Variants in PEDS1 observed in about 807,000 individuals in gnomAD.
PEDS1 encodes plasmanylethanolamine desaturase 1.
PEDS1 carries 14 observed loss-of-function variants against 35.2 expected under a neutral mutation model. The ratio of observed to expected loss-of-function variants is 0.40; its 90% CI spans 0.26 to 0.62. PEDS1 has a LOEUF of 0.62. Ranked by LOEUF, PEDS1 falls within the 20% of genes least tolerant of loss-of-function variation. PEDS1 has a pLI of 0.44. For synonymous variants in PEDS1, 152 were observed against 152.0 expected, an observed-to-expected ratio of 1.00 and a Z score of 0.00; for missense variants, 260 against 367.8, an observed-to-expected ratio of 0.71 and a Z score of 2.40.
chr20:50,131,876 T>A (rs899421470), intron 2 of PEDS1, among the ~76,000 whole-genome samples: 1 of 152,154 alleles, frequency 6.6e-6, no homozygotes, highest in Non-Finnish European at 1.5e-5. Flanking sequence ...CACATGTTAT[T>A]TAGCCTCTCT....
At position 50,130,959 on chromosome 20, in the gene PEDS1, AG is replaced by A; in HGVS notation, c.242-13del. The A allele has an allele frequency of 6.2e-7, 1 of 1,614,214 alleles. No individual in the cohort carries two copies. The highest frequency in any genetic ancestry group is 1.1e-5 in the South Asian group (1 of 91,074). On this transcript the variant is annotated splice_polypyrimidine_tract_variant and intron_variant, in intron 2 of 5. Coordinates refer to ENST00000371652, the MANE Select transcript of PEDS1 (RefSeq NM_199129.4). ...GAGAGCCCCTGCAACTGTGGACAAG[AG>A]GGTGAGTGAAGGGACATCCCTGCAC...
In PEDS1 at chr20:50,119,927, A is replaced by T. The variant is rs574639540; in HGVS notation, c.*5131T>A. ...ATTCAGCTTTACAAACTGGAATTTG[A>T]ATTTTCTGTGTTAGGAAATATTGTT... On this transcript the variant is annotated 3_prime_UTR_variant, in exon 6 of 6. Coordinates refer to ENST00000371652, the MANE Select transcript of PEDS1 (RefSeq NM_199129.4). 6.6e-6 allele frequency: 1 copy of T among 152,282 alleles called. No homozygotes were observed. Among genetic ancestry groups the T allele is most frequent in the Non-Finnish European group, 1.5e-5 (1 of 68,038 alleles). 9.4% of individuals were successfully genotyped at this position (152,282 alleles called of 1,614,324 possible). A position where few individuals can be genotyped will look rare whatever the true frequency, so the allele number is the denominator to read the frequency against.
chr20:50,129,247 A>G lies in PEDS1; in HGVS notation c.478+299T>C, dbSNP rs2081146730. 6.6e-6 allele frequency among the ~76,000 whole-genome samples: 1 copy of G among 152,124 alleles called. No homozygotes were observed. Among genetic ancestry groups the G allele is most frequent in the Non-Finnish European group, 1.5e-5 (1 of 67,996 alleles). On this transcript the variant is annotated intron_variant, in intron 4 of 5. Coordinates refer to ENST00000371652, the MANE Select transcript of PEDS1 (RefSeq NM_199129.4). The surrounding 1 kb of genome is among the most constrained non-coding windows in gnomAD (Gnocchi z 4.2). Reference sequence around the variant, plus strand: ...TGGGTTGGGTGCAGGGAAGCAAGGAATAGTGGGGACGGTGGTAAACTGGAA... The same window carrying G: ...TGGGTTGGGTGCAGGGAAGCAAGGAGTAGTGGGGACGGTGGTAAACTGGAA...
chr20:50,140,700 G>A (rs933680189), intron 2 of PEDS1, among the ~76,000 whole-genome samples: 5 of 150,460 alleles, frequency 3.3e-5, no homozygotes, highest in African/African-American at 7.3e-5. Flanking sequence ...GCTGCATCAC[G>A]TGTGTCTGTG....
At chr20:50,149,852 G>A (rs966596802) in intron 1 of PEDS1, among the ~76,000 whole-genome samples, 2 of 152,184 alleles carry the variant, frequency 1.3e-5, no homozygotes, top group Admixed American at 6.5e-5. Flanking sequence ...CCCCCACCCG[G>A]CCCAGTCCCG....
intron 2 of PEDS1, among the ~76,000 whole-genome samples, chr20:50,135,658 CAAAAAA>C (rs34069451): frequency 2.6e-5 from 1 of 37,858 alleles, no homozygotes; most frequent in Non-Finnish European, 4.7e-5. Flanking sequence ...AACTCCATCT[CAAAAAA>C]AAAAAAAAAA....
At chr20:50,136,609 A>G (rs1474985876) in intron 2 of PEDS1, among the ~76,000 whole-genome samples, 3 of 151,422 alleles carry the variant, frequency 2.0e-5, no homozygotes, top group Admixed American at 6.6e-5. Context: ...TGTAATCTCA[A>G]CTACTTGGGA....
chr20:50,143,685 T>G (rs1343466687), intron 1 of PEDS1, 64 bp from the exon 2 acceptor site: 4 of 1,566,278 alleles, frequency 2.6e-6, no homozygotes, highest in Non-Finnish European at 3.4e-6. Flanking sequence ...TGTGGCCCCA[T>G]GGGAACTTTT....
At chr20:50,146,493 C>G (rs906724491) in intron 1 of PEDS1, among the ~76,000 whole-genome samples, 2 of 152,188 alleles carry the variant, frequency 1.3e-5, no homozygotes, top group Admixed American at 1.3e-4. Flanking sequence ...ATGGCTTTGT[C>G]TCTGGGTGCC....
intron 1 of PEDS1, among the ~76,000 whole-genome samples, chr20:50,144,121 CA>C (rs1277276347): frequency 6.6e-6 from 1 of 152,196 alleles, no homozygotes; most frequent in African/African-American, 2.4e-5. Context: ...CAAGGTCAAA[CA>C]GTCAGGGCTG....
At chr20:50,137,265 T>C (rs1394452109) in intron 2 of PEDS1, among the ~76,000 whole-genome samples, 1 of 152,004 alleles carries the variant, frequency 6.6e-6, no homozygotes, top group African/African-American at 2.4e-5. Flanking sequence ...ACTCCTGAGC[T>C]CAAGCGACCC....
rs531008584 is a variant in PEDS1 at position 50,136,846 on chromosome 20, G to T, written c.242-5899C>A. On this transcript the variant is annotated intron_variant, in intron 2 of 5. Coordinates refer to ENST00000371652, the MANE Select transcript of PEDS1 (RefSeq NM_199129.4). Reference sequence around the variant, plus strand: ...GAGTCCTGGAGTTCAGTACCAGCCTGGGCAACACAGCGAAACCCTGTCTGT... The same window carrying T: ...GAGTCCTGGAGTTCAGTACCAGCCTTGGCAACACAGCGAAACCCTGTCTGT... 1.7e-4 allele frequency among the ~76,000 whole-genome samples: 26 copies of T among 152,158 alleles called. 1 individual carries two copies. The South Asian group carries it at 5.4e-3, about 32-fold the overall frequency.
At chr20:50,137,452 A>G (rs1296598667) in intron 2 of PEDS1, among the ~76,000 whole-genome samples, 1 of 152,238 alleles carries the variant, frequency 6.6e-6, no homozygotes, top group African/African-American at 2.4e-5. Flanking sequence ...TGATGTGATG[A>G]AAATGGCACT....
rs2081078395 is a variant in PEDS1 at position 50,124,492 on chromosome 20, G to A, written c.*566C>T. ...AGTAGGGGTCTAGACTTGAGCAGGAGGTTCCAGCCTCTTCTGGCCGGCTAC... is the reference window on the plus strand; with the variant it reads ...AGTAGGGGTCTAGACTTGAGCAGGAAGTTCCAGCCTCTTCTGGCCGGCTAC... On this transcript the variant is annotated 3_prime_UTR_variant, in exon 6 of 6. Coordinates refer to ENST00000371652, the MANE Select transcript of PEDS1 (RefSeq NM_199129.4). The A allele has an allele frequency of 6.5e-6, 1 of 153,734 alleles. No homozygotes were observed. The highest frequency in any genetic ancestry group is 1.4e-5 in the Non-Finnish European group (1 of 69,084). 9.5% of individuals were successfully genotyped at this position (153,734 alleles called of 1,614,324 possible).
chr20:50,135,398 T>A (rs232744), intron 2 of PEDS1, among the ~76,000 whole-genome samples: 4 of 151,176 alleles, frequency 2.6e-5, no homozygotes, highest in Non-Finnish European at 5.9e-5. Flanking sequence ...GTGGCTCACA[T>A]CTGTAATTCT....
In PEDS1 at chr20:50,125,029, T is replaced by C. The variant is rs754039658; in HGVS notation, c.*29A>G. 5.6e-6 allele frequency: 9 copies of C among 1,611,274 alleles called. No homozygotes were observed. The highest frequency in any genetic ancestry group is 2.7e-5 in the African/African-American group (2 of 74,812). On this transcript the variant is annotated 3_prime_UTR_variant, in exon 6 of 6. Coordinates refer to ENST00000371652, the MANE Select transcript of PEDS1 (RefSeq NM_199129.4). ...GCTTCGGTTTGGGGGCTAGGGAAGGTTGGCAACCAGGTAGCAGGCTCGGAG... is the reference window on the plus strand; with the variant it reads ...GCTTCGGTTTGGGGGCTAGGGAAGGCTGGCAACCAGGTAGCAGGCTCGGAG...
rs995632801 is a variant in PEDS1, at chr20:50,129,347, G to T, written c.478+199C>A. On this transcript the variant is annotated intron_variant, in intron 4 of 5. Transcript: ENST00000371652. This position sits in a 1 kb window ranked among gnomAD's most constrained non-coding sequence, Gnocchi z 4.2. ...AGGCCAGGTGGGAACATGGACCCAG[G>T]GGGGCCAGAGCAGATTGTGCAAGAG... Among the ~76,000 whole-genome samples, 3 of 152,216 alleles carry T rather than the reference G, an allele frequency of 2.0e-5. No homozygotes were observed. Among genetic ancestry groups the T allele is most frequent in the East Asian group, 1.9e-4 (1 of 5,204 alleles).
In PEDS1 at chr20:50,127,995, G is replaced by A. The variant is rs1462445466; in HGVS notation, c.671C>T (p.Thr224Ile). Residue 224 changes from threonine to isoleucine, a missense_variant, in exon 5 of 6, where the codon ACC becomes ATC. Physicochemically the swap from Thr to Ile is moderately conservative, Grantham distance 89. Transcript: ENST00000371652. The part of the protein sequence containing the change: ...HRIHHVSPHE[T>I]YFCITTGWLN... Reference sequence around the variant, plus strand: ...CGCACCTGTGGTGATGCAGAAGTAGGTCTCGTGGGGTGAGACGTGGTGGAT... The same window carrying A: ...CGCACCTGTGGTGATGCAGAAGTAGATCTCGTGGGGTGAGACGTGGTGGAT... 6.2e-7 allele frequency: 1 copy of A among 1,613,994 alleles called. No individual in the cohort carries two copies. Among genetic ancestry groups the A allele is most frequent in the Non-Finnish European group, 8.5e-7 (1 of 1,180,014 alleles).
intron 1 of PEDS1, among the ~76,000 whole-genome samples, chr20:50,149,094 CA>C (rs1454780853): frequency 3.3e-5 from 5 of 152,106 alleles, no homozygotes; most frequent in Non-Finnish European, 7.3e-5. Context: ...GCCTAGGTAA[CA>C]GAGCAAAACC....
Sources: allele counts gnomAD v4.1 joint callset (sites outside exome capture counted in the v4.1 genomes callset), GRCh38; gene constraint gnomAD v4.1.1; non-coding constraint Gnocchi (gnomAD v3.1); transcripts MANE v1.5; gene names NCBI Gene and HGNC (gene_info 2026-07-23, HGNC 2026-07-21).